Variants in RYR2 observed in about 807,000 individuals in gnomAD.
RYR2 encodes cardiac muscle ryanodine receptor-calcium release channel.
RYR2 carries 227 observed loss-of-function variants against 601.1 expected under a neutral mutation model. The ratio of observed to expected loss-of-function variants is 0.38; its 90% CI spans 0.34 to 0.42. The LOEUF (loss-of-function observed/expected upper bound fraction) is 0.42, where lower values mean the gene tolerates loss of function less well. Ranked by LOEUF, RYR2 falls within the 10% of genes least tolerant of loss-of-function variation. The probability of loss-of-function intolerance (pLI) is 1.00; values close to 1 mark genes in which losing one functional copy is unlikely to be tolerated. For synonymous variants in RYR2, 2,223 were observed against 2,175.1 expected (o/e 1.02, Z -0.61); for missense variants, 4,646 against 6,156.5 (o/e 0.75, Z 8.21).
chr1:237,418,750 A>G (rs1313631094), intron 11 of RYR2, among the ~76,000 whole-genome samples: 1 of 151,930 alleles, frequency 6.6e-6, no homozygotes, highest in Non-Finnish European at 1.5e-5. Context: ...TTTATTTCTT[A>G]TATTTCTTAT....
chr1:237,318,011 T>A (rs1291344246), intron 2 of RYR2, among the ~76,000 whole-genome samples: 1 of 152,162 alleles, frequency 6.6e-6, no homozygotes, highest in East Asian at 1.9e-4. Flanking sequence ...CTGCTGTATT[T>A]TTTGTACCTG....
chr1:237,356,105 C>A, intron 4 of RYR2, 120 bp downstream of exon 4: 1 of 842,602 alleles, frequency 1.2e-6, no homozygotes, highest in Non-Finnish European at 1.9e-6. Context: ...AAACTAACTG[C>A]TTCGTTGTAA....
In RYR2 at chr1:237,207,531, A is replaced by G. The variant is rs949835254; in HGVS notation, c.49-62966A>G. On this transcript the variant is annotated intron_variant, in intron 1 of 104. Coordinates refer to ENST00000366574, the MANE Select transcript of RYR2 (RefSeq NM_001035.3). ...CAGTGAGCTGAGATCATGCCATCAC[A>G]CTCCAGCCTGGGCGACAGAGCAGGA... 3.3e-5 allele frequency among the ~76,000 whole-genome samples: 5 copies of G among 152,224 alleles called. No individual in the cohort carries two copies. In the South Asian group the frequency reaches 1.0e-3, roughly 32 times the overall value.
At chr1:237,226,757 A>G (rs901222023) in intron 1 of RYR2, among the ~76,000 whole-genome samples, 4 of 152,032 alleles carry the variant, frequency 2.6e-5, no homozygotes, top group East Asian at 1.9e-4. Flanking sequence ...TATGTGTCAC[A>G]TAGTGGTTTT....
chr1:237,330,979 A>G lies in RYR2; in HGVS notation c.270A>G (p.Glu90=). 1 of 1,613,200 alleles carries G rather than the reference A, an allele frequency of 6.2e-7. No individual in the cohort carries two copies. Among genetic ancestry groups the G allele is most frequent in the African/African-American group, 1.3e-5 (1 of 75,040 alleles). ...EMLANTVEKS[E]GQVDVEKWKF... is the part of the protein sequence containing the mutation. Reference sequence around the variant, plus strand: ...TGGCTAACACCGTGGAGAAATCAGAAGGGGCAAGTACCCAATTTATGTAGA... The same window carrying G: ...TGGCTAACACCGTGGAGAAATCAGAGGGGGCAAGTACCCAATTTATGTAGA... Residue 90 remains glutamate, a synonymous_variant, in exon 3 of 105, where the codon GAA becomes GAG. Transcript: ENST00000366574.
rs186396989 is a variant in RYR2, at chr1:237,696,554, T to C, written c.9068-2411T>C. Among the ~76,000 whole-genome samples, 559 of 151,638 alleles carry C rather than the reference T, an allele frequency of 3.7e-3. 8 individuals are homozygous for C. The highest frequency in any genetic ancestry group is 4.8e-3 in the South Asian group (23 of 4,764). On this transcript the variant is annotated intron_variant, in intron 63 of 104. Transcript: ENST00000366574. ...TGCACTGCAGACTTTTTTTTTTTTT[T>C]CAATCAATTGCCTATTCTACATCTT...
At chr1:237,625,850 A>G in intron 40 of RYR2, 46 bp downstream of exon 40, 1 of 1,596,540 alleles carries the variant, frequency 6.3e-7, no homozygotes, top group South Asian at 1.1e-5. Flanking sequence ...AACTGCTGAC[A>G]CTTAACTCAT....
chr1:237,338,445 A>C (rs1419186290), intron 3 of RYR2, among the ~76,000 whole-genome samples: 1 of 152,208 alleles, frequency 6.6e-6, no homozygotes, highest in East Asian at 1.9e-4. Context: ...GTAGACACTA[A>C]TTACTTTTAA....
intron 14 of RYR2, among the ~76,000 whole-genome samples, chr1:237,447,468 T>A (rs906893545): frequency 3.3e-5 from 5 of 152,230 alleles, no homozygotes; most frequent in African/African-American, 1.2e-4. Context: ...TTCTGCTTTA[T>A]TAAATCTTGA....
chr1:237,549,745 G>A (rs1156741772), intron 26 of RYR2, among the ~76,000 whole-genome samples: 2 of 146,358 alleles, frequency 1.4e-5, no homozygotes, highest in African/African-American at 5.1e-5. Flanking sequence ...TTCTTGAAAT[G>A]TGGAGACTTG....
rs1172982564 is a variant in RYR2 at position 237,549,992 on chromosome 1, G to C, written c.3067-552G>C. On this transcript the variant is annotated intron_variant, in intron 26 of 104. Transcript: ENST00000366574. Reference sequence around the variant, plus strand: ...GCCTCTCGTACAATAGACAAGTTATGGGTTTCATAGTCATTTTAGTGCCCC... The same window carrying C: ...GCCTCTCGTACAATAGACAAGTTATCGGTTTCATAGTCATTTTAGTGCCCC... 2.6e-5 allele frequency among the ~76,000 whole-genome samples: 4 copies of C among 152,106 alleles called. No homozygotes were observed. The East Asian group carries it at 7.7e-4, about 29-fold the overall frequency.
chr1:237,818,467 G>A (rs1242112414), intron 100 of RYR2, among the ~76,000 whole-genome samples: 3 of 151,990 alleles, frequency 2.0e-5, no homozygotes, highest in East Asian at 1.9e-4. Flanking sequence ...TGGCTTTGAC[G>A]TTTTAGGGTT....
In RYR2 at chr1:237,723,060, A is replaced by G. The variant is rs116822621; in HGVS notation, c.10555-68A>G. On this transcript the variant is annotated intron_variant, in intron 73 of 104. Coordinates refer to ENST00000366574, the MANE Select transcript of RYR2 (RefSeq NM_001035.3). ...AAATAATGATGGGTGGACTCTTCCT[A>G]TCTTTAGATTGTAACCTTGTTTTTA... 9.8e-4 allele frequency: 1,356 copies of G among 1,387,920 alleles called. 12 individuals carry two copies. The African/African-American group carries it at 0.016, about 16-fold the overall frequency. The allele number at this position is 1,387,920 out of a possible 1,614,324, so 86.0% of individuals were successfully genotyped here. A position where few individuals can be genotyped will look rare whatever the true frequency, so the allele number is the denominator to read the frequency against.
At chr1:237,242,921 A>G (rs541529303) in intron 1 of RYR2, among the ~76,000 whole-genome samples, 37 of 152,296 alleles carry the variant, frequency 2.4e-4, no homozygotes, top group African/African-American at 8.7e-4. Flanking sequence ...ATTGACTCAC[A>G]TAAGTGAAAA....
chr1:237,746,153 C>T (rs1486722271), intron 80 of RYR2, among the ~76,000 whole-genome samples: 1 of 152,112 alleles, frequency 6.6e-6, no homozygotes, highest in African/African-American at 2.4e-5. Flanking sequence ...ATCTACCATA[C>T]TTTTACATTG....
chr1:237,122,671 G>T (rs1355171132), intron 1 of RYR2, among the ~76,000 whole-genome samples: 1 of 144,502 alleles, frequency 6.9e-6, no homozygotes, highest in Admixed American at 7.4e-5. Context: ...AACAGAGCAA[G>T]ACCGTCTCAA....
chr1:237,541,431 G>A (rs529264601), intron 25 of RYR2, among the ~76,000 whole-genome samples: 54 of 152,174 alleles, frequency 3.5e-4, no homozygotes, highest in African/African-American at 1.2e-3. Flanking sequence ...CTCCCTCAAC[G>A]TCTTTAAAAT....
At chr1:237,061,729 T>G (rs1043552124) in intron 1 of RYR2, among the ~76,000 whole-genome samples, 9 of 152,174 alleles carry the variant, frequency 5.9e-5, no homozygotes, top group Non-Finnish European at 1.0e-4. Context: ...GTTACTGATG[T>G]TGTTAGTGTC....
At chr1:237,625,638 G>C in intron 39 of RYR2, 23 bp from the exon 40 acceptor site, 1 of 1,600,038 alleles carries the variant, frequency 6.2e-7, no homozygotes, top group Non-Finnish European at 8.5e-7. Flanking sequence ...ATTTTTTTCT[G>C]CCTCTCTGTT....
Sources: allele counts gnomAD v4.1 joint callset (sites outside exome capture counted in the v4.1 genomes callset), GRCh38; gene constraint gnomAD v4.1.1; transcripts MANE v1.5; gene names NCBI Gene and HGNC (gene_info 2026-07-23, HGNC 2026-07-21).